Variants in SLC26A6 observed in about 807,000 individuals in gnomAD.
SLC26A6 encodes the protein solute carrier family 26 member 6.
SLC26A6 carries 67 observed loss-of-function variants against 87.1 expected under a neutral mutation model. The observed-to-expected ratio is 0.77, with a 90% CI of 0.63 to 0.94. The LOEUF is 0.94. Among genes scored for constraint, SLC26A6 ranks in the 40% least tolerant of loss-of-function variants. The probability of loss-of-function intolerance (pLI) is 0.00; values close to 1 mark genes in which losing one functional copy is unlikely to be tolerated. For missense variants in SLC26A6, 902 were observed against 973.0 expected (o/e 0.93, Z 0.97); for synonymous variants, 414 against 405.9 (o/e 1.02, Z -0.24).
At chr3:48,627,141 G>T in intron 17 of SLC26A6, 86 bp from the exon 18 acceptor site, 1 of 1,488,358 alleles carries the variant, frequency 6.7e-7, no homozygotes, top group Non-Finnish European at 9.1e-7. Context: ...AACACGCAAG[G>T]TCAGATGGGG....
chr3:48,629,588 C>T, intron 14 of SLC26A6, 54 bp downstream of exon 14: 1 of 1,536,738 alleles, frequency 6.5e-7, no homozygotes, highest in South Asian at 1.3e-5. Flanking sequence ...CACAAAGGCT[C>T]ATTCTTCCTC....
In SLC26A6 at chr3:48,628,301, G is replaced by C; in HGVS notation, c.1800+133C>G. 8.0e-7 allele frequency: 1 copy of C among 1,242,654 alleles called. No homozygotes were observed. The highest frequency in any genetic ancestry group is 1.1e-6 in the Non-Finnish European group (1 of 883,976). 77.0% of individuals were successfully genotyped at this position (1,242,654 alleles called of 1,614,324 possible). On this transcript the variant is annotated intron_variant, in intron 16 of 20. Coordinates refer to ENST00000395550, the MANE Select transcript of SLC26A6 (RefSeq NM_022911.3). This position sits in a 1 kb window ranked among gnomAD's most constrained non-coding sequence, Gnocchi z 4.4. The stretch of plus-strand genomic sequence containing the variant: ...GGACCTGCTAGGGGAGTGAAGCAGG[G>C]TCCCTGGGAGCATGAGGGAGAAAGG...
chr3:48,626,114 GA>G, intron 20 of SLC26A6, 103 bp downstream of exon 20: 1 of 1,611,054 alleles, frequency 6.2e-7, no homozygotes, highest in Non-Finnish European at 8.5e-7. Flanking sequence ...GCCCACTGGG[GA>G]CAGAGCCATG....
rs747530508 is a variant in SLC26A6, at chr3:48,626,374, C to T, written c.2129-20G>A. ...CAGGGCCTGTGGGCAAGAAGTAGGC[C>T]TCCCCTGACTCTCAGAACCTCTAGG... On this transcript the variant is annotated intron_variant, in intron 19 of 20. Coordinates refer to ENST00000395550, the MANE Select transcript of SLC26A6 (RefSeq NM_022911.3). 2 of 1,613,842 alleles carry T rather than the reference C, an allele frequency of 1.2e-6. No homozygotes were observed. Among genetic ancestry groups the T allele is most frequent in the Non-Finnish European group, 1.7e-6 (2 of 1,179,932 alleles).
At position 48,628,497 on chromosome 3, in the gene SLC26A6, C is replaced by T; in HGVS notation, c.1737G>A (p.Leu579=). 1 of 1,614,086 alleles carries T rather than the reference C, an allele frequency of 6.2e-7. No individual in the cohort carries two copies. Among genetic ancestry groups the T allele is most frequent in the Non-Finnish European group, 8.5e-7 (1 of 1,179,986 alleles). Residue 579 remains leucine (L), a synonymous_variant, in exon 16 of 21, where the codon CTG becomes CTA. Transcript: ENST00000395550. This position sits in a 1 kb window ranked among gnomAD's most constrained non-coding sequence, Gnocchi z 4.4. ...VDFLISQKKK[L]LKKQEQLKLK... is the part of the protein sequence containing the mutation. ...GCTTCAGCTGCTCCTGCTTCTTGAG[C>T]AGTTTCTTCTTCTGGGAGATGAGGA...
chr3:48,631,491 G>T, intron 7 of SLC26A6, 158 bp downstream of exon 7: 4 of 1,143,950 alleles, frequency 3.5e-6, no homozygotes, highest in East Asian at 2.6e-5. Context: ...GGGGCAGGAA[G>T]AAACCAACAT....
rs745318230 is a variant in SLC26A6 at position 48,631,074 on chromosome 3, G to A, written c.1053C>T (p.Ile351=). ...TGGCAATGGCAAACCCAACCACAGC[G>A]ATGGTGAAGGCGCTGCCCACGAGCT... ...FSKLVGSAFT[I]AVVGFAIAIS... The change falls in exon 9 of 21, where the codon ATC becomes ATT. Residue 351 remains isoleucine (I), a synonymous_variant. Transcript: ENST00000395550. 2.2e-5 allele frequency: 35 copies of A among 1,613,680 alleles called. No individual in the cohort carries two copies. The highest frequency in any genetic ancestry group is 1.6e-4 in the Middle Eastern group (1 of 6,084).
At chr3:48,632,914 C>A (rs2046846322) in intron 4 of SLC26A6, 60 bp downstream of exon 4, 1 of 1,511,978 alleles carries the variant, frequency 6.6e-7, no homozygotes, top group South Asian at 1.2e-5. Flanking sequence ...TGCCCCCTCA[C>A]CCTGCCCTCC....
chr3:48,631,360 A>G, intron 7 of SLC26A6, 54 bp from the exon 8 acceptor site: 1 of 1,488,558 alleles, frequency 6.7e-7, no homozygotes, highest in Non-Finnish European at 9.0e-7. Context: ...GGTCAGGGGG[A>G]CACATAAACC....
chr3:48,630,987 C>T lies in SLC26A6; in HGVS notation c.1134+6G>A, dbSNP rs781119421. ...ATGCCTCCTACACATCCCGCATCAC[C>T]CAGACCTGGTTGCTGTCCACCCGGT... On this transcript the variant is annotated splice_donor_region_variant and intron_variant, in intron 9 of 20. Transcript: ENST00000395550. 2 of 1,613,672 alleles carry T rather than the reference C, an allele frequency of 1.2e-6. No individual in the cohort carries two copies. Among genetic ancestry groups the T allele is most frequent in the Admixed American group, 3.3e-5 (2 of 60,022 alleles).
intron 17 of SLC26A6, 96 bp downstream of exon 17, chr3:48,627,850 C>A: frequency 8.2e-7 from 1 of 1,220,604 alleles, no homozygotes; most frequent in Non-Finnish European, 1.1e-6. Context: ...CCCTCGAGCC[C>A]ACAGCTGCTG....
At chr3:48,634,753 C>T (rs892475881) in intron 1 of SLC26A6, 20 of 985,318 alleles carry the variant, frequency 2.0e-5, no homozygotes, top group Non-Finnish European at 3.6e-6. Context: ...TCTAACCTGG[C>T]TGTACTGTTG....
chr3:48,628,047 G>A lies in SLC26A6; in HGVS notation c.1801-9C>T, dbSNP rs753825800. ...CCCTTGGGGGAGGCAGCCTACACCAGGGAAGACAGGGAATGGGAAACAGCT... is the reference window on the plus strand; with the variant it reads ...CCCTTGGGGGAGGCAGCCTACACCAAGGAAGACAGGGAATGGGAAACAGCT... On this transcript the variant is annotated splice_polypyrimidine_tract_variant and intron_variant, in intron 16 of 20. Coordinates refer to ENST00000395550, the MANE Select transcript of SLC26A6 (RefSeq NM_022911.3). The surrounding 1 kb of genome is among the most constrained non-coding windows in gnomAD (Gnocchi z 4.4). 1 of 1,557,022 alleles carries A rather than the reference G, an allele frequency of 6.4e-7. No homozygotes were observed. The highest frequency in any genetic ancestry group is 2.2e-5 in the Admixed American group (1 of 45,886).
chr3:48,632,398 T>C lies in SLC26A6; in HGVS notation c.434-2A>G. On this transcript the variant is annotated splice_acceptor_variant, in intron 4 of 20. Transcript: ENST00000395550. LOFTEE classifies it high-confidence loss of function. ...TCACAGACATGACAGCAAAGGTCCC[T>C]GTAAGGACGGCACGGGGCAGGTCTG... 6.2e-7 allele frequency: 1 copy of C among 1,604,320 alleles called. No individual in the cohort carries two copies. The highest frequency in any genetic ancestry group is 8.5e-7 in the Non-Finnish European group (1 of 1,174,708).
intron 17 of SLC26A6, 140 bp downstream of exon 17, chr3:48,627,806 C>G: frequency 1.4e-6 from 1 of 692,358 alleles, no homozygotes; most frequent in Non-Finnish European, 2.3e-6. Flanking sequence ...ATATCTGACC[C>G]AGCCTCCCCA....
intron 18 of SLC26A6, 45 bp downstream of exon 18, chr3:48,626,831 G>A: frequency 1.2e-6 from 2 of 1,606,180 alleles, no homozygotes; most frequent in South Asian, 1.1e-5. Flanking sequence ...AAATTACAGG[G>A]TCAGTGTGGA....
At chr3:48,629,524 C>T in intron 14 of SLC26A6, 118 bp downstream of exon 14, 3 of 1,162,436 alleles carry the variant, frequency 2.6e-6, no homozygotes, top group Non-Finnish European at 1.2e-6. Context: ...ATCCCAAAGA[C>T]CAAAGCCAAA....
intron 13 of SLC26A6, 26 bp downstream of exon 13, chr3:48,629,846 T>C (rs774976496): frequency 6.2e-7 from 1 of 1,613,774 alleles, no homozygotes; most frequent in Non-Finnish European, 8.5e-7. Flanking sequence ...CTAGCTGGAA[T>C]GAGGGGACCA....
Position 48,632,955 on chromosome 3 carries a change from T to C in SLC26A6, c.433+19A>G. The C allele has an allele frequency of 6.2e-7, 1 of 1,606,820 alleles. No individual in the cohort carries two copies. Among genetic ancestry groups the C allele is most frequent in the Non-Finnish European group, 8.5e-7 (1 of 1,175,380 alleles). ...GGATGTGGGCATCCTCCTGGAAGGCTAGGCCTGCCTCCACTTACCCACGGA... is the reference window on the plus strand; with the variant it reads ...GGATGTGGGCATCCTCCTGGAAGGCCAGGCCTGCCTCCACTTACCCACGGA... On this transcript the variant is annotated intron_variant, in intron 4 of 20. Transcript: ENST00000395550.
Sources: allele counts gnomAD v4.1 joint callset, GRCh38; gene constraint gnomAD v4.1.1; non-coding constraint Gnocchi (gnomAD v3.1); transcripts MANE v1.5; gene names NCBI Gene and HGNC (gene_info 2026-07-23, HGNC 2026-07-21).